OCRL: variants seen among roughly 807,000 people sequenced by gnomAD.
The protein encoded by OCRL is inositol polyphosphate 5-phosphatase OCRL.
Under a neutral mutation model 78.9 loss-of-function variants are expected in OCRL, and 8 were observed. The observed-to-expected ratio is 0.10, with a 90% CI of 0.06 to 0.18. The LOEUF is 0.18. Ranked by LOEUF, OCRL falls within the 10% of genes least tolerant of loss-of-function variation. The probability of loss-of-function intolerance (pLI) is 1.00; values close to 1 mark genes in which losing one functional copy is unlikely to be tolerated. For synonymous variants in OCRL, 240 were observed against 235.4 expected (o/e 1.02, Z -0.18); for missense variants, 454 against 696.7 (o/e 0.65, Z 3.92).
chrX:129,554,235 A>C (rs979869000), intron 4 of OCRL, among the ~76,000 whole-genome samples: 1 of 110,178 alleles, frequency 9.1e-6, no homozygotes, highest in African/African-American at 3.3e-5. Context: ...TTTGAATTAG[A>C]GGTTTATGAA....
intron 12 of OCRL, 121 bp from the exon 13 acceptor site, chrX:129,565,651 C>G: frequency 1.8e-6 from 1 of 551,446 alleles, no homozygotes; most frequent in East Asian, 3.3e-5. Context: ...ACTTTAAACC[C>G]CTTGTGAGAT....
chrX:129,554,829 G>A (rs112258875), intron 4 of OCRL, among the ~76,000 whole-genome samples: 6,226 of 109,125 alleles, frequency 0.057, 447 homozygotes, highest in African/African-American at 0.2. Flanking sequence ...GTGCGTGCCT[G>A]TAATCCCAGC....
intron 18 of OCRL, among the ~76,000 whole-genome samples, chrX:129,581,565 C>G (rs1936438973): frequency 9.1e-6 from 1 of 110,253 alleles, no homozygotes; most frequent in Non-Finnish European, 1.9e-5. Flanking sequence ...AAGTAAATCT[C>G]TTGTCCCTCC....
Position 129,565,874 on chromosome X carries a change from A to G in OCRL, c.1347A>G (p.Lys449=). The change falls in exon 13 of 24, where the codon AAA becomes AAG. Residue 449 remains lysine (K), a synonymous_variant. Transcript: ENST00000371113. ...AGAAAGACCTTCAGAGACTCTTGAA[A>G]TTCGACCAGGTAAGTAAAGTTTCAT... ...INKKDLQRLL[K]FDQLNIQRTQ... is the part of the protein sequence containing the mutation. 8.5e-7 allele frequency: 1 copy of G among 1,177,030 alleles called. No homozygotes were observed. Among genetic ancestry groups the G allele is most frequent in the Admixed American group, 2.2e-5 (1 of 45,978 alleles).
chrX:129,556,083 T>A (rs190249868), intron 4 of OCRL, among the ~76,000 whole-genome samples: 65 of 112,279 alleles, frequency 5.8e-4, no homozygotes, highest in Middle Eastern at 4.6e-3. Context: ...ATTATTTTAT[T>A]TTCCTTTTTG....
intron 17 of OCRL, 87 bp downstream of exon 17, chrX:129,576,149 CT>C (rs925758426): frequency 3.0e-6 from 3 of 1,011,926 alleles, no homozygotes; most frequent in African/African-American, 3.8e-5. Flanking sequence ...AACCACATGT[CT>C]CTTACCTTTA....
chrX:129,573,196 A>T (rs994182323), intron 15 of OCRL, among the ~76,000 whole-genome samples: 3 of 111,159 alleles, frequency 2.7e-5, no homozygotes, highest in African/African-American at 6.6e-5. Flanking sequence ...CTCAGCTTTG[A>T]TGTTCTTATT....
intron 15 of OCRL, among the ~76,000 whole-genome samples, chrX:129,571,734 A>T (rs774991319): frequency 2.0e-4 from 22 of 111,495 alleles, no homozygotes; most frequent in African/African-American, 6.5e-4. Flanking sequence ...TATATCTTTA[A>T]TAAAGATATG....
intron 5 of OCRL, 145 bp downstream of exon 5, chrX:129,557,580 CAG>C (rs1317865338): frequency 1.0e-5 from 6 of 573,113 alleles, no homozygotes; most frequent in Non-Finnish European, 1.7e-5. Flanking sequence ...GGAGTGAACA[CAG>C]GGATAGGTTA....
chrX:129,547,139 G>A (rs766907812), intron 3 of OCRL, among the ~76,000 whole-genome samples: 9 of 111,484 alleles, frequency 8.1e-5, no homozygotes, highest in Non-Finnish European at 1.5e-4. Context: ...TGAAGCAGGA[G>A]GGTTGCTTGA....
At chrX:129,565,982 C>A in intron 13 of OCRL, 99 bp downstream of exon 13, 1 of 579,043 alleles carries the variant, frequency 1.7e-6, no homozygotes, top group South Asian at 2.5e-5. Context: ...ATGGAAACGT[C>A]TTACTGTCTT....
chrX:129,589,893 A>T lies in OCRL; in HGVS notation c.2518A>T (p.Met840Leu). The T allele has an allele frequency of 8.3e-7, 1 of 1,211,050 alleles. No homozygotes were observed. The highest frequency in any genetic ancestry group is 1.1e-6 in the Non-Finnish European group (1 of 894,768). ...RCHRNVFRYL[M>L]AFLRELLKFS... is the part of the protein sequence containing the mutation. ...CCATAGAAATGTTTTCCGTTACTTG[A>T]TGGCATTCCTTCGAGAACTCTTAAA... Residue 840 changes from methionine to leucine, a missense_variant, in exon 23 of 24, where the codon ATG becomes TTG. Physicochemically the swap from Met to Leu is conservative, Grantham distance 15. This residue lies in a region of OCRL where 277 missense variants were observed against 517.1 expected (regional missense o/e 0.54). Coordinates refer to ENST00000371113, the MANE Select transcript of OCRL (RefSeq NM_000276.4).
At chrX:129,563,027 G>A (rs939990794) in intron 12 of OCRL, among the ~76,000 whole-genome samples, 2 of 112,051 alleles carry the variant, frequency 1.8e-5, no homozygotes, top group African/African-American at 3.2e-5. Flanking sequence ...TGGAGGGTCT[G>A]TAGTTGGAGT....
intron 13 of OCRL, among the ~76,000 whole-genome samples, chrX:129,566,373 GGCT>G (rs1336374314): frequency 8.9e-6 from 1 of 112,360 alleles, no homozygotes; most frequent in African/African-American, 3.2e-5. Flanking sequence ...ATAGGCTATG[GGCT>G]CATGGGAACT....
chrX:129,569,840 CTTTTTTTTTT>C (rs139960777), intron 15 of OCRL, among the ~76,000 whole-genome samples: 5 of 83,831 alleles, frequency 6.0e-5, no homozygotes, highest in Non-Finnish European at 1.2e-4. Context: ...CTTATTTTTT[CTTTTTTTTTT>C]TTTTTTTTTT....
In OCRL at chrX:129,540,832, C is replaced by T. The variant is rs755368951; in HGVS notation, c.119+9C>T. ...AGGAACGGGCAATATGAGTAAGTAA[C>T]CACCTGATTCCCACAGAGGAGGGGA... On this transcript the variant is annotated intron_variant, in intron 2 of 23. Coordinates refer to ENST00000371113, the MANE Select transcript of OCRL (RefSeq NM_000276.4). The T allele has an allele frequency of 8.4e-7, 1 of 1,186,353 alleles. No homozygotes were observed. Among genetic ancestry groups the T allele is most frequent in the Non-Finnish European group, 1.1e-6 (1 of 872,191 alleles).
At chrX:129,588,129 C>T in intron 20 of OCRL, 50 bp from the exon 21 acceptor site, 1 of 910,368 alleles carries the variant, frequency 1.1e-6, no homozygotes, top group Non-Finnish European at 1.6e-6. Context: ...ATCATCATAA[C>T]CTCAGGAGTG....
intron 18 of OCRL, among the ~76,000 whole-genome samples, chrX:129,579,828 A>G (rs1936419009): frequency 8.9e-6 from 1 of 112,487 alleles, no homozygotes; most frequent in Non-Finnish European, 1.9e-5. Context: ...TGATGAAAGT[A>G]TATTTGCACA....
At position 129,590,151 on chromosome X, in the gene OCRL, C is replaced by T; in HGVS notation, c.2587C>T (p.Leu863Phe). The change falls in exon 24 of 24, where the codon CTC (leucine) becomes TTC (phenylalanine). Residue 863 changes from leucine (L) to phenylalanine (F), a missense_variant. This residue lies in a region of OCRL where 277 missense variants were observed against 517.1 expected (regional missense o/e 0.54). Coordinates refer to ENST00000371113, the MANE Select transcript of OCRL (RefSeq NM_000276.4). Reference sequence around the variant, plus strand: ...GTCTTTCTCTCGTCTTGTAGCTACTCTCTTCACTAGTCTTCTCCTGAGGCC... The same window carrying T: ...GTCTTTCTCTCGTCTTGTAGCTACTTTCTTCACTAGTCTTCTCCTGAGGCC... ...NSVNANMIAT[L>F]FTSLLLRPPP... 1.6e-5 allele frequency: 19 copies of T among 1,211,728 alleles called. No individual in the cohort carries two copies. Among genetic ancestry groups the T allele is most frequent in the Non-Finnish European group, 2.1e-5 (19 of 895,492 alleles).
Sources: gnomAD v4.1 joint callset for allele counts (sites outside exome capture counted in the v4.1 genomes callset) on GRCh38, gnomAD v4.1.1 for gene constraint, gnomAD v4.1.1 regional missense constraint, MANE v1.5 for transcripts, NCBI Gene and HGNC (gene_info 2026-07-23, HGNC 2026-07-21) for gene names.